Variants in MOCOS observed in about 807,000 individuals in gnomAD.
MOCOS encodes human molybdenum cofactor sulfurase.
A neutral mutation model predicts 83.6 loss-of-function variants in MOCOS; 86 were observed. That is an observed-to-expected ratio of 1.03 (90% CI 0.86 to 1.23). MOCOS has a LOEUF of 1.23. MOCOS is among the 50% of genes most tolerant of loss of function. MOCOS has a pLI of 0.00. For synonymous variants in MOCOS, 445 were observed against 434.7 expected (o/e 1.02, Z -0.29); for missense variants, 1,120 against 1,126.9 (o/e 0.99, Z 0.09).
chr18:36,231,386 A>T (rs902368656), intron 9 of MOCOS, among the ~76,000 whole-genome samples: 2 of 152,180 alleles, frequency 1.3e-5, no homozygotes, highest in Non-Finnish European at 2.9e-5. Flanking sequence ...TTATTAAATT[A>T]TTCTTGTTCA....
intron 8 of MOCOS, among the ~76,000 whole-genome samples, chr18:36,218,840 TA>T (rs1359333998): frequency 1.1e-4 from 12 of 105,568 alleles, no homozygotes; most frequent in Admixed American, 5.1e-4. Context: ...TATTTTATTT[TA>T]TTTATTTATT....
chr18:36,257,074 G>A lies in MOCOS; in HGVS notation c.2270+1G>A, dbSNP rs765511634. 7 of 1,611,388 alleles carry A rather than the reference G, an allele frequency of 4.3e-6. No homozygotes were observed. The South Asian group carries it at 5.5e-5, about 13-fold the overall frequency. On this transcript the variant is annotated splice_donor_variant, in intron 12 of 14. Transcript: ENST00000261326. LOFTEE classifies it high-confidence loss of function. ...AACTTCACCGGCAACTAAACACCAG[G>A]TAAGACCTCATACCTCGGGACTAGC...
intron 9 of MOCOS, among the ~76,000 whole-genome samples, chr18:36,237,659 G>A (rs1337195067): frequency 6.6e-6 from 1 of 152,010 alleles, no homozygotes; most frequent in Non-Finnish European, 1.5e-5. Context: ...AATGAGTTAG[G>A]GAGGATTCCC....
intron 10 of MOCOS, among the ~76,000 whole-genome samples, chr18:36,250,728 GCA>G (rs1383758709): frequency 6.6e-6 from 1 of 152,174 alleles, no homozygotes; most frequent in Non-Finnish European, 1.5e-5. Flanking sequence ...TAACTCACAG[GCA>G]CAGTGTTCAT....
intron 9 of MOCOS, among the ~76,000 whole-genome samples, chr18:36,222,657 A>G (rs2091500752): frequency 6.7e-6 from 1 of 150,040 alleles, no homozygotes; most frequent in Non-Finnish European, 1.5e-5. Context: ...GCTGGAGTAC[A>G]GTGGCGCGAT....
chr18:36,205,809 G>C (rs1409219237), intron 6 of MOCOS, among the ~76,000 whole-genome samples: 1 of 152,036 alleles, frequency 6.6e-6, no homozygotes, highest in Non-Finnish European at 1.5e-5. Flanking sequence ...GCATGATCTT[G>C]GCTCACTGCA....
intron 5 of MOCOS, among the ~76,000 whole-genome samples, chr18:36,204,023 A>G (rs189171945): frequency 3.3e-5 from 5 of 152,230 alleles, no homozygotes; most frequent in Admixed American, 3.3e-4. Context: ...GCAAACCCTG[A>G]TTTTTTTCCT....
chr18:36,203,974 C>G (rs1191842208), intron 5 of MOCOS, among the ~76,000 whole-genome samples: 2 of 152,262 alleles, frequency 1.3e-5, no homozygotes, highest in African/African-American at 4.8e-5. Flanking sequence ...GTCCAGGTAG[C>G]TCGGAATGCA....
intron 9 of MOCOS, among the ~76,000 whole-genome samples, chr18:36,230,801 A>C (rs2091535059): frequency 6.6e-6 from 1 of 152,174 alleles, no homozygotes; most frequent in Admixed American, 6.5e-5. Context: ...ACGGTGCTGG[A>C]AATCTCCCTA....
intron 6 of MOCOS, among the ~76,000 whole-genome samples, chr18:36,210,329 C>T (rs2091449785): frequency 1.3e-5 from 2 of 152,162 alleles, no homozygotes; most frequent in African/African-American, 4.8e-5. Flanking sequence ...TCAGGGCAGA[C>T]ACTGTACAGC....
In MOCOS at chr18:36,213,468, A is replaced by C; in HGVS notation, c.1321A>C (p.Arg441=). Reference sequence around the variant, plus strand: ...CCTGGGCATAAGCAACGAGATGGTCAGGAAGCATTTTCAGGTTGGTACAGG... The same window carrying C: ...CCTGGGCATAAGCAACGAGATGGTCCGGAAGCATTTTCAGGTTGGTACAGG... ...RHLGISNEMV[R]KHFQAGHVCG... Residue 441 remains arginine, a synonymous_variant, in exon 7 of 15, where the codon AGG becomes CGG. Coordinates refer to ENST00000261326, the MANE Select transcript of MOCOS (RefSeq NM_017947.4). 1 of 1,613,770 alleles carries C rather than the reference A, an allele frequency of 6.2e-7. No individual in the cohort carries two copies. Among genetic ancestry groups the C allele is most frequent in the Non-Finnish European group, 8.5e-7 (1 of 1,179,940 alleles).
intron 1 of MOCOS, among the ~76,000 whole-genome samples, chr18:36,194,544 G>T (rs1285781466): frequency 6.6e-6 from 1 of 152,198 alleles, no homozygotes. Flanking sequence ...GTGGGTATTT[G>T]TAAGATGAAT....
At chr18:36,194,800 T>C (rs1223697579) in intron 1 of MOCOS, among the ~76,000 whole-genome samples, 1 of 152,236 alleles carries the variant, frequency 6.6e-6, no homozygotes, top group Non-Finnish European at 1.5e-5. Context: ...AGAGGTTGGA[T>C]GGATCATTTG....
At chr18:36,263,730 C>T (rs1205421441) in intron 13 of MOCOS, among the ~76,000 whole-genome samples, 1 of 152,124 alleles carries the variant, frequency 6.6e-6, no homozygotes, top group Non-Finnish European at 1.5e-5. Flanking sequence ...CTGTTGAGTG[C>T]TTTCTCTTTT....
At chr18:36,241,790 A>G (rs1598588248) in intron 9 of MOCOS, among the ~76,000 whole-genome samples, 2 of 152,174 alleles carry the variant, frequency 1.3e-5, no homozygotes, top group Non-Finnish European at 2.9e-5. Flanking sequence ...TCAGTTCTTG[A>G]CTTTTGTGTA....
At chr18:36,257,406 C>T (rs1244522448) in intron 12 of MOCOS, among the ~76,000 whole-genome samples, 1 of 152,074 alleles carries the variant, frequency 6.6e-6, no homozygotes, top group African/African-American at 2.4e-5. Flanking sequence ...TTTTATTGCC[C>T]ACCCTCCCAC....
chr18:36,258,481 T>A (rs878857326), intron 12 of MOCOS, among the ~76,000 whole-genome samples: 1 of 152,108 alleles, frequency 6.6e-6, no homozygotes, highest in Admixed American at 6.6e-5. Flanking sequence ...GAAATTGTGG[T>A]CCTCATAGGT....
rs17672861 is a variant in MOCOS at position 36,271,881 on chromosome 18, C to T, written c.*3196C>T. 0.092 allele frequency: 14,050 copies of T among 152,186 alleles called. 734 individuals carry two copies. The highest frequency in any genetic ancestry group is 0.24 in the East Asian group (1,234 of 5,168). The allele number at this position is 152,186 out of a possible 1,614,324, so 9.4% of individuals were successfully genotyped here. A position where few individuals can be genotyped will look rare whatever the true frequency, so the allele number is the denominator to read the frequency against. On this transcript the variant is annotated 3_prime_UTR_variant, in exon 15 of 15. Coordinates refer to ENST00000261326, the MANE Select transcript of MOCOS (RefSeq NM_017947.4). ...TACATTTTCTGCTGTTGAAAGATGT[C>T]CGCTTATCCTTCTCTTTCAGTGAAA... is the stretch of plus-strand genomic sequence containing the variant.
intron 6 of MOCOS, among the ~76,000 whole-genome samples, chr18:36,210,888 T>A (rs1412845225): frequency 7.4e-5 from 6 of 81,584 alleles, no homozygotes; most frequent in Non-Finnish European, 1.3e-4. Flanking sequence ...AAAGTAACTG[T>A]GTGTGCTGTG....
Sources: allele counts gnomAD v4.1 joint callset (sites outside exome capture counted in the v4.1 genomes callset), GRCh38; gene constraint gnomAD v4.1.1; transcripts MANE v1.5; gene names NCBI Gene and HGNC (gene_info 2026-07-23, HGNC 2026-07-21).